GRID2: variants seen among roughly 807,000 people sequenced by gnomAD.
GRID2 encodes the protein glutamate ionotropic receptor delta type subunit 2.
Under a neutral mutation model 114.8 loss-of-function variants are expected in GRID2, and 33 were observed. The ratio of observed to expected loss-of-function variants is 0.29; its 90% confidence interval spans 0.22 to 0.38. GRID2 has a LOEUF of 0.38. Among genes scored for constraint, GRID2 ranks in the 10% least tolerant of loss-of-function variants. The pLI is 1.00. For synonymous variants in GRID2, 505 were observed against 449.9 expected (o/e 1.12, Z -1.55); for missense variants, 1,184 against 1,257.7 (o/e 0.94, Z 0.89).
intron 2 of GRID2, among the ~76,000 whole-genome samples, chr4:92,806,262 T>G (rs573503376): frequency 1.3e-5 from 2 of 150,998 alleles, no homozygotes; most frequent in Non-Finnish European, 3.0e-5. Flanking sequence ...TTCCATTCAC[T>G]CCTTAGGATA....
In GRID2 at chr4:92,397,548, C is replaced by A. The variant is rs958490307; in HGVS notation, c.88+92804C>A. Among the ~76,000 whole-genome samples, 12 of 152,146 alleles carry A rather than the reference C, an allele frequency of 7.9e-5. No individual in the cohort carries two copies. In the East Asian group the frequency reaches 1.7e-3, roughly 22 times the overall value. On this transcript the variant is annotated intron_variant, in intron 1 of 15. Transcript: ENST00000282020. ...GAAAGAAAAAAGAAATTATTTATGT[C>A]ACCCAACATATGGAATAAACTGAAA...
chr4:92,450,822 T>C (rs1005621214), intron 1 of GRID2, among the ~76,000 whole-genome samples: 46 of 148,502 alleles, frequency 3.1e-4, no homozygotes, highest in Non-Finnish European at 6.4e-4. Context: ...TTTAATTTAA[T>C]TTAATTTTTA....
chr4:92,442,344 T>C (rs142133009), intron 1 of GRID2, among the ~76,000 whole-genome samples: 10,529 of 151,892 alleles, frequency 0.069, 512 homozygotes, highest in African/African-American at 0.14. Flanking sequence ...AGTGGGGTCC[T>C]ACACAGATGG....
intron 2 of GRID2, among the ~76,000 whole-genome samples, chr4:92,663,639 G>T (rs780141297): frequency 6.6e-6 from 1 of 150,898 alleles, no homozygotes; most frequent in Non-Finnish European, 1.5e-5. Flanking sequence ...ATTTTGGTAA[G>T]TACAAATGGT....
chr4:93,608,332 T>C (rs1740533418), intron 13 of GRID2, among the ~76,000 whole-genome samples: 1 of 146,542 alleles, frequency 6.8e-6, no homozygotes, highest in Non-Finnish European at 1.5e-5. Flanking sequence ...TTATTATACT[T>C]TAAGTTTTAG....
At chr4:93,238,577 A>G in intron 8 of GRID2, 87 bp downstream of exon 8, 1 of 1,085,958 alleles carries the variant, frequency 9.2e-7, no homozygotes, top group Admixed American at 2.1e-5. Context: ...CACAGTACCC[A>G]TTAAAGTCAA....
At chr4:93,097,658 CA>C (rs756907816) in intron 3 of GRID2, among the ~76,000 whole-genome samples, 6 of 151,864 alleles carry the variant, frequency 4.0e-5, no homozygotes, top group Non-Finnish European at 8.8e-5. Flanking sequence ...CTGGAAACAG[CA>C]AATTTCAACA....
chr4:93,173,781 C>G (rs1472744285), intron 4 of GRID2, among the ~76,000 whole-genome samples: 1 of 152,124 alleles, frequency 6.6e-6, no homozygotes, highest in Non-Finnish European at 1.5e-5. Flanking sequence ...AGGCATGTGC[C>G]ACCACACCCA....
intron 2 of GRID2, among the ~76,000 whole-genome samples, chr4:92,744,648 C>T (rs892907067): frequency 5.3e-5 from 8 of 152,032 alleles, no homozygotes; most frequent in African/African-American, 1.9e-4. Flanking sequence ...CTAGAAAGTG[C>T]CTTGCACTTT....
chr4:93,514,695 T>C (rs1160691970), intron 12 of GRID2, among the ~76,000 whole-genome samples: 1 of 152,140 alleles, frequency 6.6e-6, no homozygotes, highest in Non-Finnish European at 1.5e-5. Context: ...GTATATCAAT[T>C]GTCTGACGTG....
At chr4:92,639,644 G>A (rs1181245343) in intron 2 of GRID2, among the ~76,000 whole-genome samples, 2 of 151,558 alleles carry the variant, frequency 1.3e-5, no homozygotes, top group African/African-American at 2.4e-5. Flanking sequence ...ATGAAATGGG[G>A]GAATGAGGGG....
intron 2 of GRID2, among the ~76,000 whole-genome samples, chr4:92,898,814 A>C (rs1476463909): frequency 1.3e-5 from 2 of 152,146 alleles, no homozygotes; most frequent in Non-Finnish European, 2.9e-5. Context: ...TTTCAATGGG[A>C]AATGTGCATG....
chr4:93,361,838 ATATTT>A (rs956529539), intron 8 of GRID2, among the ~76,000 whole-genome samples: 3 of 151,894 alleles, frequency 2.0e-5, no homozygotes, highest in African/African-American at 7.3e-5. Context: ...TTTTTAGATT[ATATTT>A]TATTTTAAGT....
chr4:93,282,666 G>A (rs1211872719), intron 8 of GRID2, among the ~76,000 whole-genome samples: 1 of 151,952 alleles, frequency 6.6e-6, no homozygotes, highest in African/African-American at 2.4e-5. Context: ...ATGAGCTTTT[G>A]GGGACACATT....
At chr4:92,790,088 C>A (rs762135096) in intron 2 of GRID2, among the ~76,000 whole-genome samples, 8 of 151,608 alleles carry the variant, frequency 5.3e-5, no homozygotes, top group Non-Finnish European at 1.2e-4. Context: ...TTAGTACTTG[C>A]TTAATGTATG....
At chr4:92,941,046 G>T in intron 2 of GRID2, among the ~76,000 whole-genome samples, 1 of 152,120 alleles carries the variant, frequency 6.6e-6, no homozygotes, top group South Asian at 2.1e-4. Flanking sequence ...TGTTGTGTCT[G>T]TGCCAGACTT....
chr4:93,692,130 A>T lies in GRID2; in HGVS notation c.2360+65695A>T, dbSNP rs535402988. Among the ~76,000 whole-genome samples, 97 of 152,288 alleles carry T rather than the reference A, an allele frequency of 6.4e-4. 1 individual carries two copies. The highest frequency in any genetic ancestry group is 2.2e-3 in the African/African-American group (93 of 41,554). ...CGGGGAAGCAGTGAAAAGGCAAATA[A>T]GTAAAAAATATAGCACATATTAAAA... On this transcript the variant is annotated intron_variant, in intron 14 of 15. Transcript: ENST00000282020.
chr4:93,257,455 T>G (rs1749722228), intron 8 of GRID2, among the ~76,000 whole-genome samples: 1 of 151,654 alleles, frequency 6.6e-6, no homozygotes, highest in Non-Finnish European at 1.5e-5. Flanking sequence ...TTTAAAGAAA[T>G]GGCATAATTT....
rs748637553 is a variant in GRID2, at chr4:93,216,849, G to A, written c.901G>A (p.Gly301Ser). 1.5e-5 allele frequency: 25 copies of A among 1,612,998 alleles called. No homozygotes were observed. Among genetic ancestry groups the A allele is most frequent in the Non-Finnish European group, 2.0e-5 (24 of 1,179,104 alleles). The change falls in exon 6 of 16, where the codon GGC becomes AGC. Residue 301 changes from glycine to serine, a missense_variant. By Grantham distance (56) the Gly-to-Ser change is moderately conservative. This residue lies in a region of GRID2 where 455 missense variants were observed against 429.5 expected (regional missense o/e 1.06). Coordinates refer to ENST00000282020, the MANE Select transcript of GRID2 (RefSeq NM_001510.4). The part of the protein sequence containing the change: ...PQNISQRCFR[G>S]NHRISSTLCD... ...GAACATAAGTCAGCGGTGTTTCCGT[G>A]GCAACCATCGAATATCTTCAACATT...
Sources: allele counts gnomAD v4.1 joint callset (sites outside exome capture counted in the v4.1 genomes callset), GRCh38; gene constraint gnomAD v4.1.1; regional missense constraint gnomAD v4.1.1; transcripts MANE v1.5; gene names NCBI Gene and HGNC (gene_info 2026-07-23, HGNC 2026-07-21).